The following RIC3 variants were observed in gnomAD, a reference collection of about 807,000 sequenced individuals.
RIC3 encodes the protein RIC3 acetylcholine receptor chaperone, also known as protein RIC-3.
In RIC3, 28 loss-of-function variants were observed where a neutral mutation model predicts 27.3. The ratio of observed to expected loss-of-function variants is 1.02; its 90% CI spans 0.76 to 1.41. RIC3 has a LOEUF of 1.41. RIC3 is among the 40% of genes most tolerant of loss of function. The pLI is 0.00. For missense variants in RIC3, 501 were observed against 444.7 expected (o/e 1.13, Z -1.14); for synonymous variants, 184 against 160.4 (o/e 1.15, Z -1.11).
chr11:8,161,545 G>A (rs1951164074), intron 1 of RIC3, among the ~76,000 whole-genome samples: 1 of 151,968 alleles, frequency 6.6e-6, no homozygotes, highest in Non-Finnish European at 1.5e-5. Flanking sequence ...TTTTCCTTTG[G>A]GAACTCCTCT....
downstream of RIC3, chr11:8,105,054 C>T (rs185179368): frequency 4.9e-4 from 74 of 151,896 alleles, no homozygotes; most frequent in African/African-American, 1.7e-3. Flanking sequence ...AAGGTCCATG[C>T]TTTGCTTACA....
At chr11:8,127,201 G>T (rs1947090065) in intron 4 of RIC3, among the ~76,000 whole-genome samples, 1 of 152,146 alleles carries the variant, frequency 6.6e-6, no homozygotes, top group Admixed American at 6.5e-5. Context: ...TTTCTCTGAA[G>T]CAAGGTCATC....
intron 1 of RIC3, chr11:8,153,314 C>A (rs1269964578): frequency 5.2e-6 from 2 of 382,228 alleles, no homozygotes; most frequent in Non-Finnish European, 1.0e-5. Flanking sequence ...AGAACAGAAT[C>A]TCTGTCTTTA....
At chr11:8,128,666 C>A (rs527955339) in intron 4 of RIC3, among the ~76,000 whole-genome samples, 4 of 152,114 alleles carry the variant, frequency 2.6e-5, no homozygotes, top group Non-Finnish European at 5.9e-5. Context: ...TTTGATTGAT[C>A]CCCATTTCCT....
chr11:8,159,342 G>T (rs753139605), intron 1 of RIC3, among the ~76,000 whole-genome samples: 1 of 152,214 alleles, frequency 6.6e-6, no homozygotes, highest in Non-Finnish European at 1.5e-5. Flanking sequence ...AACAAAGTGA[G>T]ACAGATAGAA....
At chr11:8,164,534 A>C (rs1951493296) in intron 1 of RIC3, among the ~76,000 whole-genome samples, 1 of 152,256 alleles carries the variant, frequency 6.6e-6, no homozygotes, top group African/African-American at 2.4e-5. Context: ...CCAGTGCTTC[A>C]GGAGGCCAAG....
At chr11:8,112,720 A>T (rs1460966357) in intron 5 of RIC3, among the ~76,000 whole-genome samples, 1 of 152,228 alleles carries the variant, frequency 6.6e-6, no homozygotes, top group Non-Finnish European at 1.5e-5. Context: ...TAGGCATTTG[A>T]AAGTTGGTTG....
chr11:8,166,857 G>C (rs1486058906), intron 1 of RIC3, among the ~76,000 whole-genome samples: 1 of 151,968 alleles, frequency 6.6e-6, no homozygotes, highest in Non-Finnish European at 1.5e-5. Context: ...ACTCCAGCCT[G>C]GGTGACAGAG....
At chr11:8,128,945 G>A (rs954494707) in intron 4 of RIC3, among the ~76,000 whole-genome samples, 12 of 151,470 alleles carry the variant, frequency 7.9e-5, no homozygotes, top group African/African-American at 1.7e-4. Flanking sequence ...TAGTAGAGAC[G>A]GGGTTTCACC....
intron 1 of RIC3, among the ~76,000 whole-genome samples, chr11:8,148,996 C>T (rs980170154): frequency 2.4e-4 from 33 of 139,992 alleles, no homozygotes; most frequent in Admixed American, 1.5e-3. Flanking sequence ...CTGGCTAACA[C>T]GGTGACACCC....
rs1564955503 is a variant in RIC3 at position 8,110,718 on chromosome 11, T to TA, written c.1089dup (p.Asn364Ter). 6.2e-7 allele frequency: 1 copy of TA among 1,614,206 alleles called. No homozygotes were observed. Among genetic ancestry groups the TA allele is most frequent in the Non-Finnish European group, 8.5e-7 (1 of 1,180,028 alleles). ...TGTTTTCACTCTAAACCCTGGGGGT[T>TA]ACGCTTCCTCAGCATGCTGCCTGTA... On this transcript the variant is annotated frameshift_variant, in exon 6 of 6. Transcript: ENST00000309737. LOFTEE classifies it high-confidence loss of function.
At chr11:8,156,572 A>C (rs895870435) in intron 1 of RIC3, among the ~76,000 whole-genome samples, 2 of 152,196 alleles carry the variant, frequency 1.3e-5, no homozygotes, top group African/African-American at 4.8e-5. Context: ...AGTGCTCTTC[A>C]CACTACTTTC....
chr11:8,136,541 C>T (rs1948444024), intron 4 of RIC3, among the ~76,000 whole-genome samples: 1 of 152,180 alleles, frequency 6.6e-6, no homozygotes, highest in Non-Finnish European at 1.5e-5. Context: ...CTCCTGAAGC[C>T]ACCCTTTCAG....
At chr11:8,151,658 A>G (rs564479834) in intron 1 of RIC3, among the ~76,000 whole-genome samples, 1 of 151,054 alleles carries the variant, frequency 6.6e-6, no homozygotes, top group South Asian at 2.1e-4. Context: ...TCATGCTTGT[A>G]ATCCCATCAC....
At chr11:8,096,721 A>T in the RIC3 span, 3 of 1,613,880 alleles carry the variant, frequency 1.9e-6, no homozygotes, top group Non-Finnish European at 2.5e-6. Context: ...GAGGATGAGG[A>T]GGATGAGGAG....
chr11:8,097,194 T>G, the RIC3 span: 14 of 1,612,406 alleles, frequency 8.7e-6, no homozygotes, highest in Non-Finnish European at 1.2e-5. Flanking sequence ...CTTAGGGTCC[T>G]TGGGGCTCAG....
chr11:8,116,154 T>A (rs1164001430), intron 5 of RIC3, among the ~76,000 whole-genome samples: 5 of 151,650 alleles, frequency 3.3e-5, no homozygotes, highest in Non-Finnish European at 7.4e-5. Context: ...CACACACAGG[T>A]CAAAGGACAA....
downstream of RIC3, chr11:8,104,524 T>C (rs1439579733): frequency 6.6e-6 from 1 of 152,200 alleles, no homozygotes; most frequent in Non-Finnish European, 1.5e-5. Context: ...TGAGAATGAA[T>C]GAGTAGGAAA....
intron 1 of RIC3, among the ~76,000 whole-genome samples, chr11:8,163,884 C>A (rs530400732): frequency 6.6e-6 from 1 of 151,208 alleles, no homozygotes; most frequent in African/African-American, 2.4e-5. Flanking sequence ...GTCACAGGAC[C>A]CAAAATAGCA....
Sources: gnomAD v4.1 joint callset for allele counts (sites outside exome capture counted in the v4.1 genomes callset) on GRCh38, gnomAD v4.1.1 for gene constraint, MANE v1.5 for transcripts, NCBI Gene and HGNC (gene_info 2026-07-23, HGNC 2026-07-21) for gene names.